Variants in VSNL1 observed in about 807,000 individuals in gnomAD.
VSNL1 encodes the protein visinin like 1.
Under a neutral mutation model 20.4 loss-of-function variants are expected in VSNL1, and 6 were observed. The ratio of observed to expected loss-of-function variants is 0.29; its 90% CI spans 0.16 to 0.58. VSNL1 has a LOEUF of 0.58. VSNL1 is among the 20% of genes least tolerant of loss of function. The probability of loss-of-function intolerance (pLI) is 0.90; values close to 1 mark genes in which losing one functional copy is unlikely to be tolerated. For synonymous variants in VSNL1, 93 were observed against 86.4 expected (o/e 1.08, Z -0.42); for missense variants, 100 against 234.5 (o/e 0.43, Z 3.75).
intron 2 of VSNL1, among the ~76,000 whole-genome samples, chr2:17,646,970 T>C (rs1214320306): frequency 1.3e-5 from 2 of 152,160 alleles, no homozygotes; most frequent in African/African-American, 4.8e-5. Context: ...CAGAACATGA[T>C]AGGATAAATT....
chr2:17,606,067 A>G (rs908790876), intron 2 of VSNL1, among the ~76,000 whole-genome samples: 2 of 152,202 alleles, frequency 1.3e-5, no homozygotes, highest in Non-Finnish European at 2.9e-5. Flanking sequence ...CTAAGGCACA[A>G]AGTAGTTAAG....
At chr2:17,579,625 C>A (rs1222341924) in intron 1 of VSNL1, among the ~76,000 whole-genome samples, 1 of 152,218 alleles carries the variant, frequency 6.6e-6, no homozygotes, top group African/African-American at 2.4e-5. Flanking sequence ...AGGACACAGA[C>A]TTTTGCAAAG....
chr2:17,545,256 GA>G (rs1027963410), intron 1 of VSNL1, among the ~76,000 whole-genome samples: 9 of 151,618 alleles, frequency 5.9e-5, no homozygotes, highest in Non-Finnish European at 1.3e-4. Context: ...TGTTAGTAAC[GA>G]AAAAAACTAG....
intron 2 of VSNL1, among the ~76,000 whole-genome samples, chr2:17,618,507 G>T (rs1312922566): frequency 2.6e-5 from 4 of 152,140 alleles, no homozygotes; most frequent in Non-Finnish European, 5.9e-5. Context: ...ACATTTGCAG[G>T]TCATTAACTT....
chr2:17,611,928 C>A (rs772283239), intron 2 of VSNL1, among the ~76,000 whole-genome samples: 1 of 152,152 alleles, frequency 6.6e-6, no homozygotes, highest in Non-Finnish European at 1.5e-5. Flanking sequence ...GGTTTTAGGG[C>A]CTGTTCAGGG....
intron 1 of VSNL1, among the ~76,000 whole-genome samples, chr2:17,549,456 T>A (rs1018871482): frequency 1.2e-4 from 19 of 152,334 alleles, no homozygotes; most frequent in African/African-American, 4.3e-4. Context: ...TTGTTTTGTA[T>A]AGTTTTAAGC....
intron 1 of VSNL1, among the ~76,000 whole-genome samples, chr2:17,582,733 A>T (rs1664379668): frequency 6.6e-6 from 1 of 152,012 alleles, no homozygotes; most frequent in Admixed American, 6.5e-5. Flanking sequence ...ATGTTTGCAT[A>T]GTATGTTGAG....
At chr2:17,546,295 A>G (rs758639501) in intron 1 of VSNL1, among the ~76,000 whole-genome samples, 27 of 152,166 alleles carry the variant, frequency 1.8e-4, no homozygotes, top group Non-Finnish European at 1.9e-4. Flanking sequence ...TTTTCTGAAA[A>G]TAGAAATCTC....
intron 2 of VSNL1, among the ~76,000 whole-genome samples, chr2:17,611,298 C>T (rs549185228): frequency 3.8e-4 from 58 of 152,292 alleles, no homozygotes; most frequent in Admixed American, 1.1e-3. Flanking sequence ...GACTAAGCTG[C>T]GCATAGGTTC....
chr2:17,577,866 A>C (rs985940563), intron 1 of VSNL1, among the ~76,000 whole-genome samples: 9 of 152,154 alleles, frequency 5.9e-5, no homozygotes, highest in Non-Finnish European at 1.2e-4. Context: ...ATCTGACAGA[A>C]TAGTTTACAA....
At chr2:17,618,981 G>A (rs1665284421) in intron 2 of VSNL1, among the ~76,000 whole-genome samples, 1 of 152,160 alleles carries the variant, frequency 6.6e-6, no homozygotes, top group South Asian at 2.1e-4. Flanking sequence ...CAGTGGTGGG[G>A]TCGGGGTTGG....
At chr2:17,588,816 A>C (rs1425998258) in intron 1 of VSNL1, among the ~76,000 whole-genome samples, 1 of 152,230 alleles carries the variant, frequency 6.6e-6, no homozygotes, top group Non-Finnish European at 1.5e-5. Flanking sequence ...TTGTGAATGC[A>C]TTGACTCTCC....
At chr2:17,551,643 G>A (rs1034302164) in intron 1 of VSNL1, among the ~76,000 whole-genome samples, 1 of 152,174 alleles carries the variant, frequency 6.6e-6, no homozygotes, top group Non-Finnish European at 1.5e-5. Flanking sequence ...AACTGGAAGA[G>A]GACAGGGGAA....
At chr2:17,582,821 T>C (rs1664381447) in intron 1 of VSNL1, among the ~76,000 whole-genome samples, 1 of 151,822 alleles carries the variant, frequency 6.6e-6, no homozygotes, top group South Asian at 2.1e-4. Context: ...CCCAAATTTT[T>C]CTTTAGGACC....
chr2:17,595,970 C>G (rs1032809578), intron 2 of VSNL1, among the ~76,000 whole-genome samples: 3 of 152,146 alleles, frequency 2.0e-5, no homozygotes, highest in Non-Finnish European at 4.4e-5. Context: ...AAATATACCA[C>G]TGTTTATTTT....
At chr2:17,546,223 AT>A (rs1663403055) in intron 1 of VSNL1, among the ~76,000 whole-genome samples, 1 of 152,036 alleles carries the variant, frequency 6.6e-6, no homozygotes, top group Admixed American at 6.5e-5. Flanking sequence ...AATCAGTTAA[AT>A]TTATCTGCAA....
chr2:17,569,026 C>T (rs1039803413), intron 1 of VSNL1, among the ~76,000 whole-genome samples: 6 of 151,942 alleles, frequency 3.9e-5, no homozygotes, highest in African/African-American at 1.2e-4. Flanking sequence ...ATTTCATTGT[C>T]GCCAGGTATG....
At position 17,656,716 on chromosome 2, in the gene VSNL1, C is replaced by T. The variant is rs982522140; in HGVS notation, c.*1322C>T. The T allele has an allele frequency of 6.6e-6, 1 of 152,180 alleles. No individual in the cohort carries two copies. The highest frequency in any genetic ancestry group is 1.5e-5 in the Non-Finnish European group (1 of 68,048). The allele number at this position is 152,180 out of a possible 1,614,324, so 9.4% of individuals were successfully genotyped here. A position where few individuals can be genotyped will look rare whatever the true frequency, so the allele number is the denominator to read the frequency against. ...CCCCCCTAGAGAGTTGAGTTTTTTA[C>T]ACAGCACTACCCGGTAGTACTTTCT... On this transcript the variant is annotated 3_prime_UTR_variant, in exon 4 of 4. Transcript: ENST00000295156.
chr2:17,543,632 T>C (rs886952889), intron 1 of VSNL1, among the ~76,000 whole-genome samples: 10 of 152,248 alleles, frequency 6.6e-5, no homozygotes, highest in African/African-American at 2.2e-4. Flanking sequence ...AAGGCTTGAC[T>C]GGTTTAACCT....
Sources: allele counts gnomAD v4.1 joint callset (sites outside exome capture counted in the v4.1 genomes callset), GRCh38; gene constraint gnomAD v4.1.1; transcripts MANE v1.5; gene names NCBI Gene and HGNC (gene_info 2026-07-23, HGNC 2026-07-21).